The following PPP4R4 variants were observed in gnomAD, a reference collection of about 807,000 sequenced individuals.
The protein encoded by PPP4R4 is protein phosphatase 4 regulatory subunit 4, also known as serine/threonine-protein phosphatase 4 regulatory subunit 4.
A neutral mutation model predicts 121.8 loss-of-function variants in PPP4R4; 70 were observed. The observed-to-expected ratio is 0.57, with a 90% CI of 0.47 to 0.70. The LOEUF (loss-of-function observed/expected upper bound fraction) is 0.70, where lower values mean the gene tolerates loss of function less well. Ranked by LOEUF, PPP4R4 falls within the 30% of genes least tolerant of loss-of-function variation. The pLI is 0.00. For synonymous variants in PPP4R4, 348 were observed against 355.7 expected, an observed-to-expected ratio of 0.98 and a Z score of 0.24; for missense variants, 875 against 1,033.6, an observed-to-expected ratio of 0.85 and a Z score of 2.10.
At chr14:94,230,784 G>A (rs1483407030) in intron 4 of PPP4R4, 50 bp downstream of exon 4, 15 of 1,524,054 alleles carry the variant, frequency 9.8e-6, no homozygotes, top group Middle Eastern at 3.4e-4. Flanking sequence ...GTTTTTTTGT[G>A]TATGGCCATG....
intron 9 of PPP4R4, among the ~76,000 whole-genome samples, chr14:94,241,355 C>T (rs895962653): frequency 5.9e-5 from 9 of 152,024 alleles, no homozygotes; most frequent in Non-Finnish European, 1.0e-4. Context: ...AATTTATTTG[C>T]TGTCTTTCAG....
At chr14:94,261,071 A>G (rs981023582) in intron 19 of PPP4R4, among the ~76,000 whole-genome samples, 2 of 152,128 alleles carry the variant, frequency 1.3e-5, no homozygotes, top group Admixed American at 1.3e-4. Context: ...GAATTGTCTT[A>G]GCGTCCTTAA....
intron 19 of PPP4R4, among the ~76,000 whole-genome samples, chr14:94,263,480 T>G (rs1838681072): frequency 6.6e-6 from 1 of 152,236 alleles, no homozygotes; most frequent in Admixed American, 6.5e-5. Flanking sequence ...TTTAGTGTTT[T>G]CTATTTCTAT....
Position 94,229,377 on chromosome 14 carries a change from G to GA in PPP4R4, c.295-1210_295-1209insA, listed in dbSNP as rs142063686. Among the ~76,000 whole-genome samples, 965 of 152,174 alleles carry GA rather than the reference G, an allele frequency of 6.3e-3. 9 individuals are homozygous for GA. Among genetic ancestry groups the GA allele is most frequent in the African/African-American group, 0.021 (860 of 41,512 alleles). On this transcript the variant is annotated intron_variant, in intron 3 of 24. Coordinates refer to ENST00000304338, the MANE Select transcript of PPP4R4 (RefSeq NM_058237.2). ...GAGAGGAGTTAAGGATGACCCCACA[G>GA]TTTTTGGGCTGAGCAGCTGGAATGG...
At chr14:94,260,176 G>A (rs10782479) in intron 19 of PPP4R4, among the ~76,000 whole-genome samples, 35,861 of 151,972 alleles carry the variant, frequency 0.24, 5,076 homozygotes, top group East Asian at 0.59. Context: ...TGTAATCCTA[G>A]CACTTTTGGG....
At chr14:94,250,867 C>G (rs981260445) in intron 15 of PPP4R4, among the ~76,000 whole-genome samples, 11 of 151,928 alleles carry the variant, frequency 7.2e-5, no homozygotes, top group African/African-American at 2.7e-4. Context: ...TGTATATTTG[C>G]TTTGCCCATA....
rs116524572 is a variant in PPP4R4, at chr14:94,231,307, C to T, written c.508C>T (p.Arg170Trp). Reference sequence around the variant, plus strand: ...AGAAGTATTGCCAAAAGAAACCCTACGGCATGAGGTAATACTTTCATGGGG... The same window carrying T: ...AGAAGTATTGCCAAAAGAAACCCTATGGCATGAGGTAATACTTTCATGGGG... ...VIEVLPKETL[R>W]HEILNPLVSK... is the part of the protein sequence containing the mutation. Residue 170 changes from arginine to tryptophan, a missense_variant, in exon 5 of 25, where the codon CGG becomes TGG. Arg to Trp is a moderately radical substitution (Grantham distance 101, BLOSUM62 -3). Coordinates refer to ENST00000304338, the MANE Select transcript of PPP4R4 (RefSeq NM_058237.2). The T allele has an allele frequency of 3.5e-5, 56 of 1,608,304 alleles. No homozygotes were observed. The highest frequency in any genetic ancestry group is 1.0e-4 in the Admixed American group (6 of 59,966).
At chr14:94,204,734 C>T (rs1447804300) in intron 2 of PPP4R4, among the ~76,000 whole-genome samples, 1 of 151,976 alleles carries the variant, frequency 6.6e-6, no homozygotes, top group Admixed American at 6.6e-5. Context: ...GCTTAGATAT[C>T]CTTTGATTTC....
chr14:94,258,963 C>T (rs1246424296), intron 18 of PPP4R4, 139 bp downstream of exon 18: 5 of 828,812 alleles, frequency 6.0e-6, no homozygotes, highest in East Asian at 5.3e-5. Flanking sequence ...GCCTCACAAT[C>T]GTGACAGAAG....
At position 94,278,755 on chromosome 14, in the gene PPP4R4, T is replaced by TG. The variant is rs555064469; in HGVS notation, c.*112_*113insG. 730 of 1,112,862 alleles carry TG rather than the reference T, an allele frequency of 6.6e-4. 2 individuals carry two copies. In the African/African-American group the frequency reaches 8.2e-3, roughly 12 times the overall value. 68.9% of individuals were successfully genotyped at this position (1,112,862 alleles called of 1,614,324 possible). A position where few individuals can be genotyped will look rare whatever the true frequency, so the allele number is the denominator to read the frequency against. On this transcript the variant is annotated 3_prime_UTR_variant, in exon 25 of 25. Coordinates refer to ENST00000304338, the MANE Select transcript of PPP4R4 (RefSeq NM_058237.2). The stretch of plus-strand genomic sequence containing the variant: ...TGTTTTTAAATTTTGGGTTTTTTTT[T>TG]TTGTTGTTGTTAATGAGCAGAAAGA...
intron 21 of PPP4R4, 59 bp from the exon 22 acceptor site, chr14:94,265,735 G>T: frequency 8.0e-7 from 1 of 1,242,592 alleles, no homozygotes; most frequent in South Asian, 1.3e-5. Flanking sequence ...AGGGAATGGG[G>T]GTTGGAGCAG....
At chr14:94,230,809 C>G in intron 4 of PPP4R4, 75 bp downstream of exon 4, 1 of 1,442,990 alleles carries the variant, frequency 6.9e-7, no homozygotes, top group Non-Finnish European at 9.4e-7. Flanking sequence ...TATATAAATA[C>G]TGTTAGCCTG....
chr14:94,245,731 G>T, intron 13 of PPP4R4, 61 bp downstream of exon 13: 5 of 1,182,736 alleles, frequency 4.2e-6, no homozygotes, highest in Non-Finnish European at 6.0e-6. Context: ...TCTACAGGGT[G>T]TTTTGAGGCA....
intron 2 of PPP4R4, among the ~76,000 whole-genome samples, chr14:94,186,428 G>A (rs766335198): frequency 2.6e-5 from 4 of 152,034 alleles, no homozygotes; most frequent in South Asian, 2.1e-4. Flanking sequence ...TGCCTATATC[G>A]TTAATTTACT....
At chr14:94,259,437 T>G (rs1893656962) in intron 19 of PPP4R4, 68 bp downstream of exon 19, 1 of 1,413,124 alleles carries the variant, frequency 7.1e-7, no homozygotes, top group East Asian at 2.7e-5. Flanking sequence ...TTTATTAAAC[T>G]TAATCATTTC....
intron 23 of PPP4R4, among the ~76,000 whole-genome samples, chr14:94,268,788 A>G (rs1015668476): frequency 1.3e-5 from 2 of 152,156 alleles, no homozygotes; most frequent in Non-Finnish European, 2.9e-5. Flanking sequence ...TATCACGAGA[A>G]CAGCATGGGA....
At chr14:94,185,937 T>G (rs1013847961) in intron 2 of PPP4R4, among the ~76,000 whole-genome samples, 2 of 152,186 alleles carry the variant, frequency 1.3e-5, no homozygotes, top group African/African-American at 2.4e-5. Context: ...CACTGGTATC[T>G]CTTTGCAGTT....
rs894190848 is a variant in PPP4R4, at chr14:94,227,718, C to G, written c.295-2869C>G. The G allele has an allele frequency of 6.9e-6, 7 of 1,009,042 alleles. No individual in the cohort carries two copies. In the Admixed American group the frequency reaches 4.1e-4, roughly 59 times the overall value. The allele number at this position is 1,009,042 out of a possible 1,614,324, so 62.5% of individuals were successfully genotyped here. A position where few individuals can be genotyped will look rare whatever the true frequency, so the allele number is the denominator to read the frequency against. ...GGACTTTAATGACTTTAAGAGGGGG[C>G]AGAATTGCATCTCTTGGAAGTTAAC... is the stretch of plus-strand genomic sequence containing the variant. On this transcript the variant is annotated intron_variant, in intron 3 of 24. Transcript: ENST00000304338.
At chr14:94,243,189 A>G (rs1181534687) in intron 11 of PPP4R4, among the ~76,000 whole-genome samples, 1 of 151,784 alleles carries the variant, frequency 6.6e-6, no homozygotes, top group African/African-American at 2.4e-5. Context: ...TTTTTTGGCT[A>G]TTGGGTGATA....
Sources: allele counts gnomAD v4.1 joint callset (sites outside exome capture counted in the v4.1 genomes callset), GRCh38; gene constraint gnomAD v4.1.1; transcripts MANE v1.5; gene names NCBI Gene and HGNC (gene_info 2026-07-23, HGNC 2026-07-21).